The following GALNTL6 variants were observed in gnomAD, a reference collection of about 807,000 sequenced individuals.
GALNTL6 encodes the protein polypeptide N-acetylgalactosaminyltransferase-like 6.
Under a neutral mutation model 73.7 loss-of-function variants are expected in GALNTL6, and 46 were observed. The ratio of observed to expected loss-of-function variants is 0.62; its 90% CI spans 0.49 to 0.80. GALNTL6 has a LOEUF of 0.80. Among genes scored for constraint, GALNTL6 ranks in the 30% least tolerant of loss-of-function variants. The pLI is 0.00. For missense variants in GALNTL6, 604 were observed against 755.0 expected (o/e 0.80, Z 2.34); for synonymous variants, 259 against 263.7 (o/e 0.98, Z 0.17).
At chr4:172,038,979 T>G (rs996076397) in intron 2 of GALNTL6, among the ~76,000 whole-genome samples, 3 of 152,218 alleles carry the variant, frequency 2.0e-5, no homozygotes, top group Non-Finnish European at 4.4e-5. Context: ...CGTATTTCCC[T>G]GATGCCACTG....
chr4:172,221,210 T>C (rs1484867615), intron 2 of GALNTL6, among the ~76,000 whole-genome samples: 1 of 151,872 alleles, frequency 6.6e-6, no homozygotes, highest in African/African-American at 2.4e-5. Context: ...TTCATCTTTC[T>C]GTGTTATTTG....
chr4:172,603,712 T>C (rs1488432736), intron 5 of GALNTL6, among the ~76,000 whole-genome samples: 1 of 152,212 alleles, frequency 6.6e-6, no homozygotes. Flanking sequence ...CATTTTACTG[T>C]GAATGCATCA....
chr4:173,017,298 G>T (rs372285369), intron 11 of GALNTL6, among the ~76,000 whole-genome samples: 1 of 152,192 alleles, frequency 6.6e-6, no homozygotes, highest in East Asian at 1.9e-4. Flanking sequence ...ATTTAAGGTT[G>T]AAAAGAAATC....
intron 5 of GALNTL6, among the ~76,000 whole-genome samples, chr4:172,568,848 C>G (rs1358567430): frequency 6.6e-6 from 1 of 150,614 alleles, no homozygotes; most frequent in African/African-American, 2.4e-5. Context: ...CAGTCCAGAA[C>G]GGCTTTGCAT....
chr4:172,890,807 T>C (rs1042249949), intron 8 of GALNTL6, among the ~76,000 whole-genome samples: 4 of 152,164 alleles, frequency 2.6e-5, no homozygotes, highest in Non-Finnish European at 4.4e-5. Context: ...ATAGTCCCTA[T>C]TATTGTGTGG....
intron 2 of GALNTL6, among the ~76,000 whole-genome samples, chr4:171,854,968 G>C (rs1297632480): frequency 6.6e-6 from 1 of 152,096 alleles, no homozygotes; most frequent in Non-Finnish European, 1.5e-5. Context: ...CGACATCCTG[G>C]CTTTATTCTG....
At chr4:171,991,043 C>T (rs1001913656) in intron 2 of GALNTL6, among the ~76,000 whole-genome samples, 2 of 152,106 alleles carry the variant, frequency 1.3e-5, no homozygotes, top group African/African-American at 4.8e-5. Context: ...CATCTACACT[C>T]ATGGAACTGA....
At chr4:172,030,774 T>C (rs2110819674) in intron 2 of GALNTL6, among the ~76,000 whole-genome samples, 1 of 151,642 alleles carries the variant, frequency 6.6e-6, no homozygotes, top group African/African-American at 2.4e-5. Context: ...TATGTATGTA[T>C]ATATGCATAT....
chr4:172,425,101 A>G (rs1366154735), intron 5 of GALNTL6, among the ~76,000 whole-genome samples: 1 of 152,098 alleles, frequency 6.6e-6, no homozygotes, highest in African/African-American at 2.4e-5. Flanking sequence ...AAATTCTAAT[A>G]TGTCTGTATC....
At chr4:172,665,328 C>A (rs533949333) in intron 5 of GALNTL6, among the ~76,000 whole-genome samples, 14 of 152,312 alleles carry the variant, frequency 9.2e-5, no homozygotes, top group Admixed American at 7.2e-4. Context: ...CCATGAGCAT[C>A]ATAACAAGGA....
At chr4:172,194,284 G>A (rs1003789145) in intron 2 of GALNTL6, among the ~76,000 whole-genome samples, 1 of 151,886 alleles carries the variant, frequency 6.6e-6, no homozygotes, top group African/African-American at 2.4e-5. Flanking sequence ...AGACAAAATC[G>A]GTGAGAACCA....
chr4:171,883,287 G>C (rs1736506306), intron 2 of GALNTL6, among the ~76,000 whole-genome samples: 1 of 152,080 alleles, frequency 6.6e-6, no homozygotes, highest in African/African-American at 2.4e-5. Flanking sequence ...GGGAGGAGGA[G>C]GTTGCAGTGA....
At chr4:172,161,914 A>G (rs184915733) in intron 2 of GALNTL6, among the ~76,000 whole-genome samples, 294 of 152,192 alleles carry the variant, frequency 1.9e-3, no homozygotes, top group Middle Eastern at 3.4e-3. Flanking sequence ...CTGTGAATAC[A>G]AGAAAACTCA....
At chr4:172,562,950 CT>C (rs371828759) in intron 5 of GALNTL6, among the ~76,000 whole-genome samples, 1 of 152,244 alleles carries the variant, frequency 6.6e-6, no homozygotes, top group African/African-American at 2.4e-5. Context: ...TTATCTCTTC[CT>C]TCTTCCACTG....
At chr4:172,661,831 C>T (rs1271646556) in intron 5 of GALNTL6, among the ~76,000 whole-genome samples, 2 of 152,110 alleles carry the variant, frequency 1.3e-5, no homozygotes, top group African/African-American at 4.8e-5. Context: ...TATTGAACAC[C>T]CTTATCACAG....
intron 5 of GALNTL6, among the ~76,000 whole-genome samples, chr4:172,659,280 A>G (rs868311924): frequency 3.9e-5 from 6 of 152,090 alleles, no homozygotes; most frequent in African/African-American, 1.2e-4. Flanking sequence ...TATAGGGTAC[A>G]TGTGATAGTT....
chr4:172,156,549 A>ATACTC (rs1553997719), intron 2 of GALNTL6, among the ~76,000 whole-genome samples: 1 of 65,942 alleles, frequency 1.5e-5, no homozygotes, highest in African/African-American at 5.9e-5. Flanking sequence ...TAATATATAT[A>ATACTC]TATATATATA....
chr4:172,392,554 T>G (rs768039670), intron 5 of GALNTL6, among the ~76,000 whole-genome samples: 56 of 151,880 alleles, frequency 3.7e-4, no homozygotes, highest in Non-Finnish European at 6.3e-4. Context: ...ATTGTAGGCA[T>G]AAGCCACCAT....
At chr4:173,026,751 A>G (rs781475684) in intron 12 of GALNTL6, among the ~76,000 whole-genome samples, 2 of 152,150 alleles carry the variant, frequency 1.3e-5, no homozygotes, top group Non-Finnish European at 2.9e-5. Context: ...TTTTCTATAT[A>G]TAAGTGCCTC....
Sources: allele counts gnomAD v4.1 joint callset (sites outside exome capture counted in the v4.1 genomes callset), GRCh38; gene constraint gnomAD v4.1.1; transcripts MANE v1.5; gene names NCBI Gene and HGNC (gene_info 2026-07-23, HGNC 2026-07-21).